The following USP34 variants were observed in gnomAD, a reference collection of about 807,000 sequenced individuals.
The protein encoded by USP34 is ubiquitin carboxyl-terminal hydrolase 34.
USP34 carries 70 observed loss-of-function variants against 460.3 expected under a neutral mutation model. The observed-to-expected ratio is 0.15, with a 90% confidence interval of 0.13 to 0.19. The LOEUF is 0.19. Ranked by LOEUF, USP34 falls within the 10% of genes least tolerant of loss-of-function variation. USP34 has a pLI of 1.00. For missense variants in USP34, 3,985 were observed against 4,236.2 expected, an observed-to-expected ratio of 0.94 and a Z score of 1.65; for synonymous variants, 1,647 against 1,405.3, an observed-to-expected ratio of 1.17 and a Z score of -3.85.
chr2:61,232,503 G>A lies in USP34; in HGVS notation c.7062C>T (p.Asp2354=). 1 of 1,610,562 alleles carries A rather than the reference G, an allele frequency of 6.2e-7. No homozygotes were observed. Among genetic ancestry groups the A allele is most frequent in the Non-Finnish European group, 8.5e-7 (1 of 1,179,188 alleles). The change falls in exon 58 of 80, where the codon GAC becomes GAT. Residue 2354 remains aspartate, a synonymous_variant. Coordinates refer to ENST00000398571, the MANE Select transcript of USP34 (RefSeq NM_014709.4). ...EWFLDRMADD[D]WWPMQILIKC... Reference sequence around the variant, plus strand: ...TAATTAGTATCTGCATTGGCCACCAGTCGTCATCAGCCATACGATCTAAAA... The same window carrying A: ...TAATTAGTATCTGCATTGGCCACCAATCGTCATCAGCCATACGATCTAAAA...
intron 35 of USP34, 90 bp from the exon 36 acceptor site, chr2:61,283,539 C>T (rs1424611538): frequency 1.2e-5 from 17 of 1,374,864 alleles, no homozygotes; most frequent in Middle Eastern, 2.7e-4. Flanking sequence ...TTAAGGTTAT[C>T]ACTTCCCCCC....
intron 72 of USP34, among the ~76,000 whole-genome samples, chr2:61,204,833 G>A (rs1687071407): frequency 6.6e-6 from 1 of 152,098 alleles, no homozygotes; most frequent in Non-Finnish European, 1.5e-5. Context: ...ACTATTTATT[G>A]GTATTTTGTT....
intron 52 of USP34, 30 bp downstream of exon 52, chr2:61,241,736 T>C (rs1304064726): frequency 3.4e-6 from 5 of 1,492,490 alleles, no homozygotes. Context: ...GAAAAAACAA[T>C]ATAAAATTAT....
intron 58 of USP34, among the ~76,000 whole-genome samples, chr2:61,231,968 A>G (rs1687918699): frequency 6.6e-6 from 1 of 151,694 alleles, no homozygotes; most frequent in Non-Finnish European, 1.5e-5. Context: ...ATTTTGTGAA[A>G]AGTGACTATA....
intron 51 of USP34, 70 bp downstream of exon 51, chr2:61,245,140 A>G (rs1688386007): frequency 1.3e-5 from 15 of 1,163,554 alleles, no homozygotes; most frequent in Non-Finnish European, 1.9e-5. Flanking sequence ...CGACTCTGCT[A>G]TTGGATTTTA....
intron 49 of USP34, among the ~76,000 whole-genome samples, chr2:61,247,976 C>T (rs1558489436): frequency 2.0e-5 from 3 of 152,022 alleles, no homozygotes; most frequent in African/African-American, 7.2e-5. Context: ...TGCCTGAGGT[C>T]AGGAGTTCGA....
chr2:61,328,414 G>A (rs530172690), intron 20 of USP34, among the ~76,000 whole-genome samples: 3 of 151,370 alleles, frequency 2.0e-5, no homozygotes, highest in Non-Finnish European at 2.9e-5. Flanking sequence ...TTCCCCCCTC[G>A]GTGAAAAATT....
chr2:61,282,014 G>A (rs1689549567), intron 37 of USP34, among the ~76,000 whole-genome samples: 1 of 152,148 alleles, frequency 6.6e-6, no homozygotes, highest in South Asian at 2.1e-4. Flanking sequence ...TTTTAAGACA[G>A]AGTCTTGCTC....
chr2:61,316,204 G>C (rs775194383), intron 23 of USP34, among the ~76,000 whole-genome samples: 1 of 151,666 alleles, frequency 6.6e-6, no homozygotes, highest in Non-Finnish European at 1.5e-5. Context: ...ACTGAAGCAA[G>C]GGTTAGGACT....
At chr2:61,242,569 TAAGA>T (rs891478470) in intron 51 of USP34, among the ~76,000 whole-genome samples, 6 of 150,218 alleles carry the variant, frequency 4.0e-5, no homozygotes, top group South Asian at 2.1e-4. Flanking sequence ...AGAATTTGAA[TAAGA>T]AAGAAAGGTC....
chr2:61,426,030 G>C (rs1402883102), intron 1 of USP34, among the ~76,000 whole-genome samples: 1 of 152,070 alleles, frequency 6.6e-6, no homozygotes, highest in Non-Finnish European at 1.5e-5. Context: ...TGGGCCAGAA[G>C]ACAGGAGCTG....
intron 49 of USP34, among the ~76,000 whole-genome samples, chr2:61,246,686 T>A (rs1052515973): frequency 1.3e-5 from 2 of 152,214 alleles, no homozygotes; most frequent in Non-Finnish European, 2.9e-5. Context: ...ATATGTTAAA[T>A]AGGTACAAAA....
intron 70 of USP34, 73 bp from the exon 71 acceptor site, chr2:61,206,959 T>C: frequency 6.7e-7 from 1 of 1,481,772 alleles, no homozygotes; most frequent in Non-Finnish European, 9.2e-7. Flanking sequence ...GTAGTACTCG[T>C]CCTCTACGAT....
intron 10 of USP34, among the ~76,000 whole-genome samples, chr2:61,369,637 C>T (rs1386320516): frequency 1.8e-5 from 2 of 110,506 alleles, no homozygotes; most frequent in Non-Finnish European, 3.6e-5. Context: ...AGCAAGATTC[C>T]GTCTCAAAAA....
chr2:61,318,616 G>T (rs1308727398), intron 22 of USP34, among the ~76,000 whole-genome samples: 1 of 152,118 alleles, frequency 6.6e-6, no homozygotes, highest in African/African-American at 2.4e-5. Flanking sequence ...ATTCAATTGG[G>T]AATAGTTCAT....
At chr2:61,430,215 A>T (rs1447646572) in intron 1 of USP34, among the ~76,000 whole-genome samples, 23 of 122,920 alleles carry the variant, frequency 1.9e-4, no homozygotes, top group Admixed American at 6.8e-4. Context: ...TCTTCGTCAC[A>T]AAAAAAAAAA....
chr2:61,278,584 TCTTTA>T (rs984083220), intron 39 of USP34, 141 bp from the exon 40 acceptor site: 50 of 615,944 alleles, frequency 8.1e-5, no homozygotes, highest in Non-Finnish European at 1.2e-4. Flanking sequence ...ATACACCTAC[TCTTTA>T]CTTATACATT....
chr2:61,259,337 C>A (rs1370914618), intron 44 of USP34, among the ~76,000 whole-genome samples: 2 of 151,818 alleles, frequency 1.3e-5, no homozygotes, highest in African/African-American at 2.4e-5. Flanking sequence ...AAACGAGCTC[C>A]ATTTAACTTT....
chr2:61,265,298 T>C, intron 43 of USP34, 99 bp downstream of exon 43: 2 of 1,344,254 alleles, frequency 1.5e-6, no homozygotes, highest in African/African-American at 1.5e-5. Flanking sequence ...TATTCACAAA[T>C]TATTTTTTCA....
Sources: gnomAD v4.1 joint callset for allele counts (sites outside exome capture counted in the v4.1 genomes callset) on GRCh38, gnomAD v4.1.1 for gene constraint, MANE v1.5 for transcripts, NCBI Gene and HGNC (gene_info 2026-07-23, HGNC 2026-07-21) for gene names.